The following SLC35F3 variants were observed in gnomAD, a reference collection of about 807,000 sequenced individuals.
SLC35F3 encodes solute carrier family 35 member F3.
A neutral mutation model predicts 49.9 loss-of-function variants in SLC35F3; 25 were observed. That is an observed-to-expected ratio of 0.50 (90% confidence interval 0.37 to 0.70). The LOEUF (loss-of-function observed/expected upper bound fraction) is 0.70. Among genes scored for constraint, SLC35F3 ranks in the 30% least tolerant of loss-of-function variants. The pLI is 0.00. For synonymous variants in SLC35F3, 275 were observed against 265.4 expected (o/e 1.04, Z -0.35); for missense variants, 525 against 639.8 (o/e 0.82, Z 1.94).
chr1:234,120,215 A>G (rs1240967992), intron 2 of SLC35F3, among the ~76,000 whole-genome samples: 1 of 152,252 alleles, frequency 6.6e-6, no homozygotes, highest in South Asian at 2.1e-4. Context: ...CTCGGCTTAC[A>G]TTCTTATCAC....
intron 3 of SLC35F3, among the ~76,000 whole-genome samples, chr1:234,296,324 AAAAC>A (rs1210387009): frequency 1.3e-5 from 2 of 152,332 alleles, no homozygotes; most frequent in East Asian, 3.9e-4. Flanking sequence ...TTCAAAAAAA[AAAAC>A]CTAGTGTGTA....
intron 3 of SLC35F3, among the ~76,000 whole-genome samples, chr1:234,232,483 T>C (rs1424045070): frequency 1.8e-5 from 2 of 110,026 alleles, no homozygotes; most frequent in African/African-American, 3.6e-5. Context: ...AGGCCTTCTG[T>C]GGGCCATGTC....
intron 3 of SLC35F3, among the ~76,000 whole-genome samples, chr1:234,253,237 G>T (rs928253253): frequency 2.0e-5 from 3 of 151,924 alleles, no homozygotes; most frequent in Non-Finnish European, 4.4e-5. Flanking sequence ...GAGGCAGGAG[G>T]ATCACTTGAA....
rs143140708 is a variant in SLC35F3, at chr1:233,968,136, G to T, written c.283+62378G>T. Among the ~76,000 whole-genome samples, 558 of 152,232 alleles carry T rather than the reference G, an allele frequency of 3.7e-3. 8 individuals carry two copies. Among genetic ancestry groups the T allele is most frequent in the Admixed American group, 0.025 (384 of 15,298 alleles). On this transcript the variant is annotated intron_variant, in intron 2 of 7. Transcript: ENST00000366618. ...TCTCTCCCTCTCTCCTAGTTTCTGGGGGTTGCCAGCAGTCAATGGCATTTC... is the reference window on the plus strand; with the variant it reads ...TCTCTCCCTCTCTCCTAGTTTCTGGTGGTTGCCAGCAGTCAATGGCATTTC...
At chr1:233,958,965 G>C (rs973337021) in intron 2 of SLC35F3, among the ~76,000 whole-genome samples, 1 of 152,076 alleles carries the variant, frequency 6.6e-6, no homozygotes, top group African/African-American at 2.4e-5. Context: ...TTTTTCTTTT[G>C]GAACTGTGTG....
intron 2 of SLC35F3, among the ~76,000 whole-genome samples, chr1:234,093,638 A>G (rs1295512465): frequency 1.3e-5 from 2 of 152,214 alleles, no homozygotes; most frequent in Non-Finnish European, 2.9e-5. Flanking sequence ...GAACCCTTGG[A>G]GGAAATTGCA....
chr1:234,089,395 A>G (rs949949049), intron 2 of SLC35F3, among the ~76,000 whole-genome samples: 1 of 145,688 alleles, frequency 6.9e-6, no homozygotes, highest in East Asian at 1.9e-4. Context: ...AGATGAAAGC[A>G]GCATGTGCCA....
At chr1:234,126,800 A>G (rs149411591) in intron 2 of SLC35F3, among the ~76,000 whole-genome samples, 5 of 152,260 alleles carry the variant, frequency 3.3e-5, no homozygotes, top group East Asian at 1.9e-4. Context: ...GGCTCAAGCT[A>G]TCTTCCCATC....
intron 3 of SLC35F3, among the ~76,000 whole-genome samples, chr1:234,290,515 A>T (rs530010329): frequency 2.0e-5 from 3 of 152,310 alleles, no homozygotes; most frequent in South Asian, 4.1e-4. Flanking sequence ...CTTGCAGGGA[A>T]GTCTGAAGTG....
chr1:233,954,131 C>T (rs546631172), intron 2 of SLC35F3, among the ~76,000 whole-genome samples: 10 of 152,086 alleles, frequency 6.6e-5, no homozygotes, highest in Admixed American at 2.0e-4. Flanking sequence ...CTCGGCCTCC[C>T]GAGTAGCTGG....
intron 3 of SLC35F3, among the ~76,000 whole-genome samples, chr1:234,306,065 C>A (rs904838913): frequency 6.6e-6 from 1 of 152,176 alleles, no homozygotes; most frequent in African/African-American, 2.4e-5. Flanking sequence ...AGGTCTCTGG[C>A]AGAAATGGAT....
At chr1:234,037,012 C>T (rs528893504) in intron 2 of SLC35F3, among the ~76,000 whole-genome samples, 5 of 152,292 alleles carry the variant, frequency 3.3e-5, no homozygotes, top group Admixed American at 3.3e-4. Context: ...ATTAACTTCA[C>T]AAATATTTAT....
At chr1:234,097,016 A>T (rs1488969120) in intron 2 of SLC35F3, among the ~76,000 whole-genome samples, 1 of 150,678 alleles carries the variant, frequency 6.6e-6, no homozygotes, top group Non-Finnish European at 1.5e-5. Context: ...CAGCCTCCTG[A>T]GTAGCTGGGA....
intron 2 of SLC35F3, among the ~76,000 whole-genome samples, chr1:234,191,347 C>G (rs1272433997): frequency 3.3e-5 from 5 of 152,116 alleles, no homozygotes. Flanking sequence ...CCTGAATGAT[C>G]ACTGGGTCAA....
intron 2 of SLC35F3, among the ~76,000 whole-genome samples, chr1:234,189,199 A>T (rs1666694113): frequency 6.6e-6 from 1 of 152,180 alleles, no homozygotes; most frequent in East Asian, 1.9e-4. Flanking sequence ...CTCACCAGCA[A>T]CAAATCCAAA....
At chr1:234,067,206 T>C (rs941808446) in intron 2 of SLC35F3, among the ~76,000 whole-genome samples, 1 of 152,222 alleles carries the variant, frequency 6.6e-6, no homozygotes, top group Non-Finnish European at 1.5e-5. Flanking sequence ...TTGAGGCTTT[T>C]TGAGATCTCA....
chr1:234,296,693 A>G (rs1391322532), intron 3 of SLC35F3, among the ~76,000 whole-genome samples: 1 of 152,236 alleles, frequency 6.6e-6, no homozygotes, highest in Non-Finnish European at 1.5e-5. Flanking sequence ...CACTCTCGGC[A>G]CTTCTCAGAT....
intron 3 of SLC35F3, among the ~76,000 whole-genome samples, chr1:234,246,891 A>C (rs1297544564): frequency 6.6e-6 from 1 of 152,138 alleles, no homozygotes; most frequent in Non-Finnish European, 1.5e-5. Flanking sequence ...GTATGTGTTC[A>C]AGTCAGATGG....
At chr1:234,226,225 G>A (rs533685922) in intron 2 of SLC35F3, among the ~76,000 whole-genome samples, 7 of 152,268 alleles carry the variant, frequency 4.6e-5, no homozygotes, top group African/African-American at 1.7e-4. Flanking sequence ...TGAAATAGAT[G>A]TCAGTTGCAA....
Sources: gnomAD v4.1 joint callset for allele counts (sites outside exome capture counted in the v4.1 genomes callset) on GRCh38, gnomAD v4.1.1 for gene constraint, MANE v1.5 for transcripts, NCBI Gene and HGNC (gene_info 2026-07-23, HGNC 2026-07-21) for gene names.